Variants in CR1L observed in about 807,000 individuals in gnomAD.
CR1L encodes complement component receptor 1-like protein.
A neutral mutation model predicts 62.3 loss-of-function variants in CR1L; 59 were observed. The observed-to-expected ratio is 0.95, with a 90% CI of 0.77 to 1.18. CR1L has a LOEUF of 1.18. Ranked by LOEUF, CR1L falls within the 50% of genes most tolerant of loss-of-function variation. CR1L has a pLI of 0.00. For synonymous variants in CR1L, 279 were observed against 248.7 expected (o/e 1.12, Z -1.15); for missense variants, 700 against 702.8 (o/e 1.00, Z 0.04).
intron 1 of CR1L, among the ~76,000 whole-genome samples, chr1:207,670,648 T>C (rs569611077): frequency 1.3e-5 from 2 of 151,216 alleles, no homozygotes; most frequent in South Asian, 4.1e-4. Context: ...TGAGTGTTCC[T>C]TCTTCTCTAA....
chr1:207,697,815 G>A lies in CR1L; in HGVS notation c.1084G>A (p.Val362Met), dbSNP rs1195464978. 6.2e-7 allele frequency: 1 copy of A among 1,613,860 alleles called. No individual in the cohort carries two copies. The highest frequency in any genetic ancestry group is 1.3e-5 in the African/African-American group (1 of 74,914). Residue 362 changes from valine to methionine, a missense_variant, in exon 7 of 12, where the codon GTG (valine) becomes ATG (methionine). Val to Met is a conservative substitution (Grantham distance 21). Transcript: ENST00000508064. The stretch of plus-strand genomic sequence containing the variant: ...CCTGGGCCAACTTCCTAATGGCCAT[G>A]TGCTATTTCCACTTAATCTCCAGCT... Reference protein sequence around the residue: ...DFLGQLPNGHVLFPLNLQLGA... With the variant: ...DFLGQLPNGHMLFPLNLQLGA...
Position 207,645,277 on chromosome 1 carries a change from G to A in CR1L, c.44G>A (p.Arg15His). 6.2e-7 allele frequency: 1 copy of A among 1,613,854 alleles called. No homozygotes were observed. The highest frequency in any genetic ancestry group is 8.5e-7 in the Non-Finnish European group (1 of 1,180,022). ...VRLERPFPSR[R>H]FPGLLLAALV... is the part of the protein sequence containing the mutation. The stretch of plus-strand genomic sequence containing the variant: ...CTCGAGCGTCCCTTTCCTTCCCGGC[G>A]CTTTCCTGGGTTGCTTCTGGCGGCC... The change falls in exon 1 of 12, where the codon CGC (arginine) becomes CAC (histidine). Residue 15 changes from arginine to histidine, a missense_variant. Arg to His is a conservative substitution (Grantham distance 29). Transcript: ENST00000508064.
chr1:207,686,124 CT>C (rs1663902631), intron 4 of CR1L, among the ~76,000 whole-genome samples: 2 of 12,354 alleles, frequency 1.6e-4, no homozygotes, highest in Non-Finnish European at 1.5e-4. Context: ...CCCTCCCTCC[CT>C]TCCTCCCTCC....
chr1:207,699,069 C>T, intron 7 of CR1L, 120 bp from the exon 8 acceptor site: 4 of 1,282,066 alleles, frequency 3.1e-6, no homozygotes, highest in East Asian at 2.3e-5. Context: ...GCCTGTGCAA[C>T]TCTGCCACCT....
chr1:207,673,909 C>T (rs573192924), intron 1 of CR1L, among the ~76,000 whole-genome samples: 1 of 152,210 alleles, frequency 6.6e-6, no homozygotes, highest in East Asian at 1.9e-4. Context: ...CGAGTGGGAA[C>T]AATCCAAATG....
intron 7 of CR1L, 45 bp from the exon 8 acceptor site, chr1:207,699,144 T>C: frequency 6.2e-7 from 1 of 1,612,112 alleles, no homozygotes. Flanking sequence ...CTAAGTGTCC[T>C]CTTGGCTGAA....
intron 1 of CR1L, among the ~76,000 whole-genome samples, chr1:207,672,138 CT>C (rs1366275482): frequency 6.6e-6 from 1 of 150,600 alleles, no homozygotes; most frequent in Non-Finnish European, 1.5e-5. Flanking sequence ...TGTGTACTCC[CT>C]ATAAGACCAT....
rs1664192962 is a variant in CR1L, at chr1:207,701,577, C to T, written c.1287C>T (p.Asp429=). Residue 429 remains aspartate (D), a synonymous_variant, in exon 9 of 12, where the codon GAC becomes GAT. Transcript: ENST00000508064. ...ATGGCATGGTGCATGTGATCACAGA[C>T]ATCCATGTTGGATCCAGAATCAACT... ...PVNGMVHVIT[D]IHVGSRINYS... is the part of the protein sequence containing the mutation. 1 of 1,613,818 alleles carries T rather than the reference C, an allele frequency of 6.2e-7. No homozygotes were observed. Among genetic ancestry groups the T allele is most frequent in the Non-Finnish European group, 8.5e-7 (1 of 1,179,756 alleles).
chr1:207,650,039 G>C (rs564252434), intron 1 of CR1L, among the ~76,000 whole-genome samples: 6 of 152,182 alleles, frequency 3.9e-5, no homozygotes, highest in South Asian at 2.1e-4. Context: ...TGTGTGTGTA[G>C]AGTCAAAAGT....
chr1:207,668,909 T>G (rs1663564817), intron 1 of CR1L, among the ~76,000 whole-genome samples: 1 of 151,008 alleles, frequency 6.6e-6, no homozygotes, highest in Non-Finnish European at 1.5e-5. Flanking sequence ...ATATATCTAA[T>G]TGTCCTTCCC....
intron 1 of CR1L, among the ~76,000 whole-genome samples, chr1:207,649,997 A>G (rs184739370): frequency 6.6e-6 from 1 of 152,202 alleles, no homozygotes; most frequent in Admixed American, 6.5e-5. Flanking sequence ...TGGAAACATA[A>G]CTTGTTTGGG....
At chr1:207,645,895 A>C (rs1246301920) in intron 1 of CR1L, among the ~76,000 whole-genome samples, 1 of 152,268 alleles carries the variant, frequency 6.6e-6, no homozygotes, top group Admixed American at 6.5e-5. Flanking sequence ...TGCTGTGCGC[A>C]AGTGGCCTGT....
intron 1 of CR1L, among the ~76,000 whole-genome samples, chr1:207,674,428 A>G (rs1223242567): frequency 6.6e-6 from 1 of 152,192 alleles, no homozygotes; most frequent in Non-Finnish European, 1.5e-5. Flanking sequence ...TATATTTATC[A>G]TAAGAACCAG....
At chr1:207,664,501 GT>G (rs1299440657) in intron 1 of CR1L, among the ~76,000 whole-genome samples, 2 of 152,128 alleles carry the variant, frequency 1.3e-5, no homozygotes, top group Non-Finnish European at 2.9e-5. Flanking sequence ...GGAAGAGATG[GT>G]TTTTTTAGTG....
Position 207,706,044 on chromosome 1 carries a change from T to A in CR1L, c.1329-2134T>A, listed in dbSNP as rs12405078. ...ATATATATATATATATATATATATA[T>A]AAAACACTGAATATTGCAGAAAATT... On this transcript the variant is annotated intron_variant, in intron 9 of 11. Transcript: ENST00000508064. 4.5e-3 allele frequency among the ~76,000 whole-genome samples: 540 copies of A among 118,850 alleles called. 1 individual carries two copies. Among genetic ancestry groups the A allele is most frequent in the African/African-American group, 0.011 (370 of 32,446 alleles). The allele number at this position is 118,850 out of a possible 152,430, so 78.0% of individuals were successfully genotyped here.
intron 9 of CR1L, among the ~76,000 whole-genome samples, chr1:207,706,162 C>A (rs746651228): frequency 7.3e-5 from 11 of 151,640 alleles, no homozygotes; most frequent in Non-Finnish European, 4.4e-5. Flanking sequence ...TGGCTCACAC[C>A]TGTAATCCCA....
intron 7 of CR1L, 78 bp from the exon 8 acceptor site, chr1:207,699,111 G>C: frequency 6.3e-7 from 1 of 1,588,752 alleles, no homozygotes; most frequent in South Asian, 1.1e-5. Flanking sequence ...TCCTGAAATT[G>C]GGGCTGGGCC....
At chr1:207,661,739 C>G (rs575603615) in intron 1 of CR1L, among the ~76,000 whole-genome samples, 3 of 152,212 alleles carry the variant, frequency 2.0e-5, no homozygotes, top group South Asian at 4.2e-4. Context: ...TCTTCCTAGC[C>G]TTGATGGTCT....
In CR1L at chr1:207,677,569, G is replaced by A. The variant is rs373970595; in HGVS notation, c.277+1G>A. The A allele has an allele frequency of 3.3e-5, 53 of 1,612,036 alleles. No homozygotes were observed. The highest frequency in any genetic ancestry group is 1.8e-4 in the East Asian group (8 of 44,880). On this transcript the variant is annotated splice_donor_variant, in intron 2 of 11. Coordinates refer to ENST00000508064, the MANE Select transcript of CR1L (RefSeq NM_175710.2). LOFTEE classifies it high-confidence loss of function. ...ACAAGTGCTAAGGACAAGTGCAAAC[G>A]TAAGTAACTCTGGAGTGGGAACCCC...
Sources: gnomAD v4.1 joint callset for allele counts (sites outside exome capture counted in the v4.1 genomes callset) on GRCh38, gnomAD v4.1.1 for gene constraint, MANE v1.5 for transcripts, NCBI Gene and HGNC (gene_info 2026-07-23, HGNC 2026-07-21) for gene names.